Variants in AHCTF1 observed in about 807,000 individuals in gnomAD.
The protein encoded by AHCTF1 is AT-hook containing transcription factor 1.
Under a neutral mutation model 248.4 loss-of-function variants are expected in AHCTF1, and 24 were observed. The observed-to-expected ratio is 0.10, with a 90% CI of 0.07 to 0.14. The LOEUF is 0.14. Among genes scored for constraint, AHCTF1 ranks in the 10% least tolerant of loss-of-function variants. The pLI, the probability that AHCTF1 is intolerant of heterozygous loss-of-function variation, is 1.00. For synonymous variants in AHCTF1, 786 were observed against 929.8 expected, an observed-to-expected ratio of 0.85 and a Z score of 2.81; for missense variants, 2,206 against 2,636.2, an observed-to-expected ratio of 0.84 and a Z score of 3.57.
rs1667372430 is a variant in AHCTF1, at chr1:246,931,665, CA to C, written c.-96del. 1 of 152,600 alleles carries C rather than the reference CA, an allele frequency of 6.6e-6. No individual in the cohort carries two copies. Among genetic ancestry groups the C allele is most frequent in the Non-Finnish European group, 1.5e-5 (1 of 68,322 alleles). 9.5% of individuals were successfully genotyped at this position (152,600 alleles called of 1,614,324 possible). A position where few individuals can be genotyped will look rare whatever the true frequency, so the allele number is the denominator to read the frequency against. On this transcript the variant is annotated 5_prime_UTR_variant, in exon 1 of 36. An upstream open reading frame in the 5' UTR loses its in-frame stop. Transcript: ENST00000648844. ...GAGCTCCTCCCGTGCGGGTCCGTCA[CA>C]GCATCTCCCGGGAGACGTGGCCGCC... is the stretch of plus-strand genomic sequence containing the variant.
chr1:246,839,109 AGT>A lies in AHCTF1; in HGVS notation c.*1695_*1696del, dbSNP rs554255633. ...GTTGTAGCAACACATTTTAATGAGC[AGT>A]GTTTTTATTCAAGCTATATAAAGAC... On this transcript the variant is annotated 3_prime_UTR_variant, in exon 36 of 36. Transcript: ENST00000648844. 3 of 152,252 alleles carry A rather than the reference AGT, an allele frequency of 2.0e-5. No individual in the cohort carries two copies. Among genetic ancestry groups the A allele is most frequent in the Admixed American group, 6.5e-5 (1 of 15,278 alleles). The allele number at this position is 152,252 out of a possible 1,614,324, so 9.4% of individuals were successfully genotyped here.
In AHCTF1 at chr1:246,898,249, A is replaced by G. The variant is rs531628308; in HGVS notation, c.1582T>C (p.Ser528Pro). ...GGCTGAACATCAACAAATCTTGGGGAAAGAAGGCCAGCTACAAGACATCGA... is the reference window on the plus strand; with the variant it reads ...GGCTGAACATCAACAAATCTTGGGGGAAGAAGGCCAGCTACAAGACATCGA... ...YNRCLVAGLLSPRFVDVQPSS... is the reference protein window; with the variant it reads ...YNRCLVAGLLPPRFVDVQPSS... The change falls in exon 12 of 36, where the codon TCC becomes CCC. Residue 528 changes from serine (S) to proline (P), a missense_variant. Physicochemically the swap from Ser to Pro is moderately conservative, Grantham distance 74 (BLOSUM62 -1). Coordinates refer to ENST00000648844, the MANE Select transcript of AHCTF1 (RefSeq NM_001323342.2). The G allele has an allele frequency of 4.9e-5, 79 of 1,612,430 alleles. 4 individuals carry two copies. The South Asian group carries it at 8.5e-4, about 17-fold the overall frequency.
At chr1:246,859,989 C>T (rs754737894) in intron 29 of AHCTF1, among the ~76,000 whole-genome samples, 74 of 152,132 alleles carry the variant, frequency 4.9e-4, no homozygotes, top group Admixed American at 2.7e-3. Flanking sequence ...TGGCAGGGCG[C>T]GGTGGCTCAC....
chr1:246,867,891 ACCCC>A lies in AHCTF1; in HGVS notation c.3089-84_3089-81del, dbSNP rs936329065. On this transcript the variant is annotated intron_variant, in intron 24 of 35. Coordinates refer to ENST00000648844, the MANE Select transcript of AHCTF1 (RefSeq NM_001323342.2). ...TAAAAGCATATGAAAGAATGATTAC[ACCCC>A]CCCCCCCACACACACACACACACAC... 55 of 332,382 alleles carry A rather than the reference ACCCC, an allele frequency of 1.7e-4. 2 individuals carry two copies. The highest frequency in any genetic ancestry group is 1.4e-3 in the East Asian group (20 of 14,218). 20.6% of individuals were successfully genotyped at this position (332,382 alleles called of 1,614,324 possible). A position where few individuals can be genotyped will look rare whatever the true frequency, so the allele number is the denominator to read the frequency against.
intron 4 of AHCTF1, among the ~76,000 whole-genome samples, chr1:246,911,479 C>CT (rs35320501): frequency 0.2 from 19,744 of 99,650 alleles, 2,404 homozygotes; most frequent in East Asian, 0.28. Context: ...TATGAAGATT[C>CT]TTTTTTTTTT....
At chr1:246,867,896 C>CG in intron 24 of AHCTF1, 85 bp from the exon 25 acceptor site, 1 of 563,350 alleles carries the variant, frequency 1.8e-6, no homozygotes, top group Non-Finnish European at 2.6e-6. Context: ...ATTACACCCC[C>CG]CCCCCCACAC....
rs886805255 is a variant in AHCTF1, at chr1:246,921,448, AAAGGAT to A, written c.-7-3077_-7-3072del. On this transcript the variant is annotated intron_variant, in intron 1 of 35. Transcript: ENST00000648844. ...CTTAATACTCAACAAAAACAAACTC[AAAGGAT>A]AAGTAAAAAAGTAAACTAGAAAGCC... 2.2e-4 allele frequency among the ~76,000 whole-genome samples: 33 copies of A among 152,216 alleles called. 1 individual carries two copies. Among genetic ancestry groups the A allele is most frequent in the Admixed American group, 9.8e-4 (15 of 15,282 alleles).
chr1:246,868,913 C>T lies in AHCTF1; in HGVS notation c.3089-1102G>A, dbSNP rs554702140. Among the ~76,000 whole-genome samples, 385 of 146,254 alleles carry T rather than the reference C, an allele frequency of 2.6e-3. 5 individuals carry two copies. The highest frequency in any genetic ancestry group is 0.013 in the Admixed American group (195 of 14,578). ...AGGTTGGAGTGCAGTGGTGTGATCT[C>T]GGCTCACTGCAAGTTCTGCCTCCCG... On this transcript the variant is annotated intron_variant, in intron 24 of 35. Transcript: ENST00000648844.
intron 1 of AHCTF1, among the ~76,000 whole-genome samples, chr1:246,929,867 T>G (rs375657308): frequency 1.3e-5 from 2 of 151,876 alleles, no homozygotes; most frequent in African/African-American, 2.4e-5. Flanking sequence ...GCCTGGCCAA[T>G]ATGGTGAAAC....
Position 246,895,878 on chromosome 1 carries a change from G to A in AHCTF1, c.1671C>T (p.Ser557=). The change falls in exon 13 of 36, where the codon TCC becomes TCT. Residue 557 remains serine (S), a synonymous_variant. Coordinates refer to ENST00000648844, the MANE Select transcript of AHCTF1 (RefSeq NM_001323342.2). ...GGATATAACCAGTCAAAAGTCCCAG[G>A]GAACTAGTCTGAATTGCTGCTGACA... ...AILSAAIQTS[S]LGLLTGYIRR... is the part of the protein sequence containing the mutation. 6.2e-7 allele frequency: 1 copy of A among 1,612,988 alleles called. No individual in the cohort carries two copies. The highest frequency in any genetic ancestry group is 1.1e-5 in the South Asian group (1 of 90,910).
chr1:246,881,914 A>T (rs1164262146), intron 21 of AHCTF1, among the ~76,000 whole-genome samples: 1 of 150,942 alleles, frequency 6.6e-6, no homozygotes, highest in Non-Finnish European at 1.5e-5. Flanking sequence ...TCCTGGGCTC[A>T]AGTAATCCTC....
chr1:246,887,073 G>T (rs570924995), intron 20 of AHCTF1, 138 bp downstream of exon 20: 8 of 892,032 alleles, frequency 9.0e-6, no homozygotes, highest in Non-Finnish European at 1.3e-5. Context: ...GCTTGGTAAA[G>T]GTACTGATTA....
At chr1:246,906,305 C>T (rs1020407261) in intron 5 of AHCTF1, among the ~76,000 whole-genome samples, 2 of 151,978 alleles carry the variant, frequency 1.3e-5, no homozygotes, top group African/African-American at 2.4e-5. Context: ...GGCAGCCGGG[C>T]GTGGTAGCTC....
chr1:246,915,956 A>C (rs1375017827), intron 3 of AHCTF1, among the ~76,000 whole-genome samples, 186 bp downstream of exon 3: 2 of 152,220 alleles, frequency 1.3e-5, no homozygotes, highest in Non-Finnish European at 2.9e-5. Flanking sequence ...AAGTTCCTTG[A>C]ATAACATATC....
chr1:246,882,004 GTT>G (rs1282915367), intron 21 of AHCTF1, among the ~76,000 whole-genome samples: 2 of 128,608 alleles, frequency 1.6e-5, no homozygotes, highest in Non-Finnish European at 3.3e-5. Context: ...TTTTTTTTTT[GTT>G]TTTTTTTTTG....
At position 246,853,189 on chromosome 1, in the gene AHCTF1, C is replaced by G; in HGVS notation, c.4465G>C (p.Asp1489His). Reference sequence around the variant, plus strand: ...AGTACACCAACTTCTACTTCATGATCTTCTTTTAAGTTCAGCGCTACTTCC... The same window carrying G: ...AGTACACCAACTTCTACTTCATGATGTTCTTTTAAGTTCAGCGCTACTTCC... ...NQEVALNLKE[D>H]HEVEVGVLKE... The change falls in exon 32 of 36, where the codon GAT (aspartate) becomes CAT (histidine). Residue 1489 changes from aspartate to histidine, a missense_variant. By Grantham distance (81) the Asp-to-His change is moderately conservative. Around this residue, in one of 6 missense-constraint regions of AHCTF1, gnomAD observed 955 missense variants for 1,055.6 expected, o/e 0.90. Coordinates refer to ENST00000648844, the MANE Select transcript of AHCTF1 (RefSeq NM_001323342.2). The G allele has an allele frequency of 6.2e-7, 1 of 1,613,128 alleles. No homozygotes were observed. Among genetic ancestry groups the G allele is most frequent in the Non-Finnish European group, 8.5e-7 (1 of 1,179,514 alleles).
chr1:246,868,965 C>T (rs541792335), intron 24 of AHCTF1, among the ~76,000 whole-genome samples: 8 of 150,540 alleles, frequency 5.3e-5, no homozygotes, highest in African/African-American at 2.0e-4. Context: ...CTGCCTCAGC[C>T]TGCTGAGTAG....
intron 1 of AHCTF1, among the ~76,000 whole-genome samples, chr1:246,921,234 G>C (rs1666528628): frequency 6.6e-6 from 1 of 151,982 alleles, no homozygotes; most frequent in Non-Finnish European, 1.5e-5. Flanking sequence ...AAAAAACAAA[G>C]AAAAAATAAA....
intron 31 of AHCTF1, among the ~76,000 whole-genome samples, chr1:246,854,582 AAAG>A (rs1660971822): frequency 6.6e-6 from 1 of 152,224 alleles, no homozygotes; most frequent in African/African-American, 2.4e-5. Flanking sequence ...TTACATGAGA[AAAG>A]AAAGTTGCTT....
Sources: allele counts gnomAD v4.1 joint callset (sites outside exome capture counted in the v4.1 genomes callset), GRCh38; gene constraint gnomAD v4.1.1; regional missense constraint gnomAD v4.1.1; transcripts MANE v1.5; gene names NCBI Gene and HGNC (gene_info 2026-07-23, HGNC 2026-07-21).